AGBL1: variants seen among roughly 807,000 people sequenced by gnomAD.
The protein encoded by AGBL1 is cytosolic carboxypeptidase 4.
In AGBL1, 130 loss-of-function variants were observed where a neutral mutation model predicts 118.9. The observed-to-expected ratio is 1.09, with a 90% CI of 0.95 to 1.26. The LOEUF (loss-of-function observed/expected upper bound fraction) is 1.26. Among genes scored for constraint, AGBL1 ranks in the 50% most tolerant of loss-of-function variants. The pLI, the probability that AGBL1 is intolerant of heterozygous loss-of-function variation, is 0.00. For synonymous variants in AGBL1, 555 were observed against 478.9 expected (o/e 1.16, Z -2.08); for missense variants, 1,584 against 1,298.1 (o/e 1.22, Z -3.38).
intron 22 of AGBL1, among the ~76,000 whole-genome samples, chr15:86,901,784 G>A (rs752927698): frequency 6.6e-6 from 1 of 151,886 alleles, no homozygotes; most frequent in Non-Finnish European, 1.5e-5. Flanking sequence ...CTGAAATTTG[G>A]TACTTTTTTC....
At chr15:86,367,146 C>A (rs144538630) in intron 17 of AGBL1, among the ~76,000 whole-genome samples, 1 of 152,062 alleles carries the variant, frequency 6.6e-6, no homozygotes, top group East Asian at 1.9e-4. Context: ...ATGGTTTCAA[C>A]GAAGTAGAAA....
At chr15:86,899,474 AC>A (rs1296433157) in intron 22 of AGBL1, among the ~76,000 whole-genome samples, 1 of 151,926 alleles carries the variant, frequency 6.6e-6, no homozygotes, top group Non-Finnish European at 1.5e-5. Flanking sequence ...TGTACAACGA[AC>A]CCCCATGACA....
At chr15:86,670,880 C>G (rs1210132404) in intron 21 of AGBL1, among the ~76,000 whole-genome samples, 1 of 150,650 alleles carries the variant, frequency 6.6e-6, no homozygotes, top group Non-Finnish European at 1.5e-5. Flanking sequence ...AACAGATACT[C>G]TTCTTTTGTG....
intron 22 of AGBL1, among the ~76,000 whole-genome samples, chr15:86,770,520 A>C (rs924634035): frequency 6.6e-6 from 1 of 152,010 alleles, no homozygotes; most frequent in African/African-American, 2.4e-5. Flanking sequence ...GAAACCCTAC[A>C]ATAGGGTAAC....
intron 5 of AGBL1, among the ~76,000 whole-genome samples, chr15:86,217,327 C>T (rs182576720): frequency 5.9e-5 from 9 of 152,218 alleles, no homozygotes; most frequent in African/African-American, 1.9e-4. Flanking sequence ...GCTCTTAGAC[C>T]AGTGCCTAGC....
chr15:86,577,739 C>CAA (rs1439070758), intron 21 of AGBL1, among the ~76,000 whole-genome samples: 2 of 152,142 alleles, frequency 1.3e-5, no homozygotes, highest in Non-Finnish European at 2.9e-5. Context: ...TGAAAGGGGC[C>CAA]AACATAGAGC....
chr15:87,029,703 T>C (rs2081767160), downstream of AGBL1, among the ~76,000 whole-genome samples: 1 of 151,936 alleles, frequency 6.6e-6, no homozygotes. Context: ...TTAATGTTTT[T>C]CTATGTTTGT....
chr15:86,891,040 T>A (rs1026881337), intron 22 of AGBL1, among the ~76,000 whole-genome samples: 15 of 152,196 alleles, frequency 9.9e-5, no homozygotes, highest in African/African-American at 3.6e-4. Flanking sequence ...CATGAAATGT[T>A]TTTTCATTTG....
intron 21 of AGBL1, 91 bp downstream of exon 21, chr15:86,554,628 G>C (rs1248708401): frequency 3.0e-5 from 38 of 1,277,894 alleles, no homozygotes; most frequent in Non-Finnish European, 3.3e-5. Flanking sequence ...CACCTAAAAG[G>C]GGAAGAAGGC....
At chr15:86,943,725 T>G (rs2080782790) in intron 23 of AGBL1, among the ~76,000 whole-genome samples, 1 of 152,210 alleles carries the variant, frequency 6.6e-6, no homozygotes, top group Non-Finnish European at 1.5e-5. Flanking sequence ...ATCCCTTTTC[T>G]ATTGGCACAG....
intron 22 of AGBL1, among the ~76,000 whole-genome samples, chr15:86,838,405 G>C (rs1014385977): frequency 2.6e-5 from 4 of 152,052 alleles, no homozygotes; most frequent in Admixed American, 1.3e-4. Context: ...GTGTGGAAAG[G>C]CTGGACATTA....
chr15:86,501,379 T>A (rs1035211141), intron 18 of AGBL1, among the ~76,000 whole-genome samples: 29 of 151,730 alleles, frequency 1.9e-4, no homozygotes, highest in African/African-American at 6.5e-4. Context: ...TAAGAAAATA[T>A]TTTCTCCCAT....
At chr15:86,185,292 T>C (rs1362314654) in intron 5 of AGBL1, among the ~76,000 whole-genome samples, 1 of 152,154 alleles carries the variant, frequency 6.6e-6, no homozygotes, top group Non-Finnish European at 1.5e-5. Context: ...ATAAGAACAC[T>C]CTTACACTGT....
At chr15:86,664,574 C>T (rs1240875231) in intron 21 of AGBL1, among the ~76,000 whole-genome samples, 2 of 152,110 alleles carry the variant, frequency 1.3e-5, no homozygotes, top group Admixed American at 1.3e-4. Context: ...TGTCTCATTG[C>T]TATTTCTTCA....
downstream of AGBL1, among the ~76,000 whole-genome samples, chr15:87,030,994 C>T (rs1490540121): frequency 6.6e-6 from 1 of 151,908 alleles, no homozygotes; most frequent in South Asian, 2.1e-4. Context: ...AGAGTGACAT[C>T]GATTTGCTGT....
intron 5 of AGBL1, among the ~76,000 whole-genome samples, chr15:86,215,414 C>CT (rs1466369556): frequency 2.0e-5 from 3 of 152,146 alleles, no homozygotes; most frequent in Non-Finnish European, 4.4e-5. Flanking sequence ...TCTTCACTTT[C>CT]TTTTTCCGCT....
chr15:86,606,836 T>A (rs150888262), intron 21 of AGBL1, among the ~76,000 whole-genome samples: 1 of 152,308 alleles, frequency 6.6e-6, no homozygotes, highest in African/African-American at 2.4e-5. Flanking sequence ...AAGTCCATAG[T>A]TTACATTAGG....
chr15:86,689,091 G>A (rs972472220), intron 22 of AGBL1, among the ~76,000 whole-genome samples: 10 of 152,112 alleles, frequency 6.6e-5, no homozygotes, highest in Admixed American at 1.3e-4. Context: ...AGCAGAATTT[G>A]TTTACCTGGA....
At chr15:86,373,290 C>A (rs1382126911) in intron 17 of AGBL1, among the ~76,000 whole-genome samples, 1 of 152,076 alleles carries the variant, frequency 6.6e-6, no homozygotes, top group African/African-American at 2.4e-5. Context: ...TAATTACTTT[C>A]CCCCGGAAGA....
Sources: gnomAD v4.1 joint callset for allele counts (sites outside exome capture counted in the v4.1 genomes callset) on GRCh38, gnomAD v4.1.1 for gene constraint, MANE v1.5 for transcripts, NCBI Gene and HGNC (gene_info 2026-07-23, HGNC 2026-07-21) for gene names.